Variants in CDIN1 observed in about 807,000 individuals in gnomAD.
The protein encoded by CDIN1 is CDAN1-interacting nuclease 1.
CDIN1 carries 33 observed loss-of-function variants against 45.3 expected under a neutral mutation model. The ratio of observed to expected loss-of-function variants is 0.73; its 90% confidence interval spans 0.55 to 0.97. CDIN1 has a LOEUF of 0.97. Among genes scored for constraint, CDIN1 ranks in the 50% least tolerant of loss-of-function variants. The pLI, the probability that CDIN1 is intolerant of heterozygous loss-of-function variation, is 0.00. For synonymous variants in CDIN1, 118 were observed against 124.4 expected (o/e 0.95, Z 0.34); for missense variants, 303 against 339.4 (o/e 0.89, Z 0.84).
chr15:36,751,229 T>TTATATATATATATA (rs10557235), intron 10 of CDIN1, among the ~76,000 whole-genome samples: 3,690 of 96,930 alleles, frequency 0.038, 169 homozygotes, highest in African/African-American at 0.06. Flanking sequence ...TATGCTTATT[T>TTATATATATATATA]TATATATATA....
intron 5 of CDIN1, among the ~76,000 whole-genome samples, chr15:36,670,423 G>A (rs1328659133): frequency 8.6e-5 from 13 of 152,046 alleles, no homozygotes; most frequent in African/African-American, 3.1e-4. Context: ...TCCTCAATCT[G>A]ACCTAAATTT....
intron 10 of CDIN1, among the ~76,000 whole-genome samples, chr15:36,744,008 G>A (rs1317718189): frequency 4.4e-5 from 6 of 136,794 alleles, no homozygotes; most frequent in African/African-American, 1.6e-4. Context: ...AAAAGTCTCT[G>A]AAAATTTTGG....
chr15:36,614,125 C>G lies in CDIN1; in HGVS notation c.102-30153C>G, dbSNP rs1454003427. On this transcript the variant is annotated intron_variant, in intron 1 of 10. Transcript: ENST00000566621. Reference sequence around the variant, plus strand: ...AGCTGGAAATGACTTGGAAGATAAACTGAAATGCACCAAAGAGGAGTATTC... The same window carrying G: ...AGCTGGAAATGACTTGGAAGATAAAGTGAAATGCACCAAAGAGGAGTATTC... 3 of 753,966 alleles carry G rather than the reference C, an allele frequency of 4.0e-6. No homozygotes were observed. The South Asian group carries it at 4.0e-5, about 10-fold the overall frequency. The allele number at this position is 753,966 out of a possible 1,614,324, so 46.7% of individuals were successfully genotyped here.
At chr15:36,601,543 C>CCACA (rs2140234306) in intron 1 of CDIN1, among the ~76,000 whole-genome samples, 1 of 152,270 alleles carries the variant, frequency 6.6e-6, no homozygotes, top group Admixed American at 6.5e-5. Flanking sequence ...AACTGAGCAG[C>CCACA]CACAGGGCAT....
At chr15:36,734,921 GACACTAGTGA>G (rs2043961377) in intron 10 of CDIN1, among the ~76,000 whole-genome samples, 1 of 152,130 alleles carries the variant, frequency 6.6e-6, no homozygotes, top group Non-Finnish European at 1.5e-5. Flanking sequence ...CATTTAAAAT[GACACTAGTGA>G]ACACTAGATA....
In CDIN1 at chr15:36,709,686, G is replaced by C. The variant is rs16963905; in HGVS notation, c.611-170G>C. Reference sequence around the variant, plus strand: ...AAAGGGATATGATTGTCACATAAATGTTCTTTGTAATGAACATATACAGTG... The same window carrying C: ...AAAGGGATATGATTGTCACATAAATCTTCTTTGTAATGAACATATACAGTG... On this transcript the variant is annotated intron_variant, in intron 9 of 10. Coordinates refer to ENST00000566621, the MANE Select transcript of CDIN1 (RefSeq NM_001321759.2). 0.13 allele frequency among the ~76,000 whole-genome samples: 19,129 copies of C among 152,120 alleles called. 1,294 individuals carry two copies. The highest frequency in any genetic ancestry group is 0.25 in the East Asian group (1,297 of 5,164).
At chr15:36,709,146 A>G in intron 8 of CDIN1, 77 bp from the exon 9 acceptor site, 1 of 1,236,524 alleles carries the variant, frequency 8.1e-7, no homozygotes, top group Middle Eastern at 2.4e-4. Flanking sequence ...ATACATATTT[A>G]AGAAATAAAA....
chr15:36,662,257 T>C (rs148488826), intron 5 of CDIN1, among the ~76,000 whole-genome samples: 149 of 152,298 alleles, frequency 9.8e-4, no homozygotes, highest in African/African-American at 3.3e-3. Context: ...AAGATGAATG[T>C]TTTGTAGAGT....
chr15:36,698,613 A>G (rs897574342), intron 8 of CDIN1, among the ~76,000 whole-genome samples: 4 of 152,230 alleles, frequency 2.6e-5, no homozygotes, highest in African/African-American at 9.6e-5. Flanking sequence ...GGAACCAGGT[A>G]GTTCTGATAG....
chr15:36,587,085 G>A (rs562779574), intron 1 of CDIN1, among the ~76,000 whole-genome samples: 27 of 152,254 alleles, frequency 1.8e-4, no homozygotes, highest in Middle Eastern at 3.4e-3. Flanking sequence ...ACTCAAACTC[G>A]TGATACCATA....
intron 10 of CDIN1, among the ~76,000 whole-genome samples, chr15:36,719,039 C>T (rs1595515141): frequency 6.6e-6 from 1 of 151,162 alleles, no homozygotes. Flanking sequence ...GCCTGGGCAA[C>T]ATAGTGAGAC....
chr15:36,644,240 T>A (rs765014004), intron 1 of CDIN1, 38 bp from the exon 2 acceptor site: 2 of 1,603,788 alleles, frequency 1.2e-6, no homozygotes, highest in South Asian at 2.2e-5. Flanking sequence ...TGCCGTGCAC[T>A]CCAGTAATTA....
chr15:36,637,693 C>G (rs1179661753), intron 1 of CDIN1, among the ~76,000 whole-genome samples: 1 of 151,948 alleles, frequency 6.6e-6, no homozygotes, highest in Non-Finnish European at 1.5e-5. Flanking sequence ...TAATATTCAA[C>G]AATAGAATAG....
chr15:36,681,171 AT>A (rs1268118091), intron 5 of CDIN1, among the ~76,000 whole-genome samples: 4 of 152,180 alleles, frequency 2.6e-5, no homozygotes, highest in Non-Finnish European at 5.9e-5. Context: ...AACTGAGTAA[AT>A]AAAAATAACT....
intron 10 of CDIN1, among the ~76,000 whole-genome samples, chr15:36,800,903 G>GTATATATA (rs1372710724): frequency 4.3e-3 from 86 of 19,978 alleles, no homozygotes; most frequent in Non-Finnish European, 6.9e-3. Flanking sequence ...GTGTGTGTGT[G>GTATATATA]TGTGTGTATA....
intron 5 of CDIN1, among the ~76,000 whole-genome samples, chr15:36,671,845 T>C (rs2041463719): frequency 6.6e-6 from 1 of 152,264 alleles, no homozygotes; most frequent in African/African-American, 2.4e-5. Context: ...GTTCTGAAAA[T>C]TGAGCCTTGT....
At chr15:36,726,765 G>A (rs967366093) in intron 10 of CDIN1, among the ~76,000 whole-genome samples, 4 of 152,164 alleles carry the variant, frequency 2.6e-5, no homozygotes, top group African/African-American at 7.2e-5. Context: ...CATTTGAAAT[G>A]ATAGAGAGAG....
At chr15:36,716,843 C>T (rs1481861070) in intron 10 of CDIN1, among the ~76,000 whole-genome samples, 1 of 152,166 alleles carries the variant, frequency 6.6e-6, no homozygotes, top group African/African-American at 2.4e-5. Context: ...CATTTACAGG[C>T]ACTGTGTTAG....
intron 10 of CDIN1, among the ~76,000 whole-genome samples, chr15:36,778,003 T>C (rs1178803532): frequency 6.6e-6 from 1 of 152,240 alleles, no homozygotes; most frequent in Non-Finnish European, 1.5e-5. Flanking sequence ...GGTGATCCCT[T>C]CTGGGTCTTC....
Sources: gnomAD v4.1 joint callset for allele counts (sites outside exome capture counted in the v4.1 genomes callset) on GRCh38, gnomAD v4.1.1 for gene constraint, MANE v1.5 for transcripts, NCBI Gene and HGNC (gene_info 2026-07-23, HGNC 2026-07-21) for gene names.